Variants in KCNIP1 observed in about 807,000 individuals in gnomAD.
KCNIP1 encodes the protein potassium voltage-gated channel interacting protein 1, also known as A-type potassium channel modulatory protein KCNIP1.
Under a neutral mutation model 33.0 loss-of-function variants are expected in KCNIP1, and 18 were observed. The ratio of observed to expected loss-of-function variants is 0.55; its 90% CI spans 0.38 to 0.81. The LOEUF (loss-of-function observed/expected upper bound fraction) is 0.81. Among genes scored for constraint, KCNIP1 ranks in the 30% least tolerant of loss-of-function variants. KCNIP1 has a pLI of 0.00. For synonymous variants in KCNIP1, 93 were observed against 98.3 expected (o/e 0.95, Z 0.32); for missense variants, 238 against 271.6 (o/e 0.88, Z 0.87).
At chr5:170,531,527 A>G (rs928339653) in intron 1 of KCNIP1, among the ~76,000 whole-genome samples, 6 of 152,196 alleles carry the variant, frequency 3.9e-5, no homozygotes, top group African/African-American at 1.2e-4. Flanking sequence ...CAAGCCCACC[A>G]CTAACAATTA....
chr5:170,566,903 A>G (rs948723154), intron 1 of KCNIP1, among the ~76,000 whole-genome samples: 11 of 152,256 alleles, frequency 7.2e-5, no homozygotes, highest in African/African-American at 2.7e-4. Context: ...TATGGCATGG[A>G]GTACCACGAA....
chr5:170,729,259 A>G (rs940444026), intron 5 of KCNIP1, among the ~76,000 whole-genome samples: 6 of 152,086 alleles, frequency 3.9e-5, no homozygotes, highest in Non-Finnish European at 8.8e-5. Flanking sequence ...TTACACTGTA[A>G]ATATTTTAAA....
intron 1 of KCNIP1, among the ~76,000 whole-genome samples, chr5:170,601,265 G>T (rs1468807730): frequency 2.0e-5 from 3 of 152,224 alleles, no homozygotes; most frequent in African/African-American, 7.2e-5. Context: ...CGGTGTAGAG[G>T]AGAATATGGC....
chr5:170,404,505 C>T (rs927344075), intron 1 of KCNIP1, among the ~76,000 whole-genome samples: 1 of 152,100 alleles, frequency 6.6e-6, no homozygotes, highest in Non-Finnish European at 1.5e-5. Flanking sequence ...TGCAGTCAGT[C>T]GGTCCCAGGG....
At chr5:170,465,112 A>G (rs1756581638) in intron 1 of KCNIP1, among the ~76,000 whole-genome samples, 1 of 152,182 alleles carries the variant, frequency 6.6e-6, no homozygotes, top group Admixed American at 6.5e-5. Context: ...GACATGCTGG[A>G]CGCTGGAGAG....
intron 1 of KCNIP1, among the ~76,000 whole-genome samples, chr5:170,475,830 G>T (rs1025519504): frequency 2.0e-5 from 3 of 152,008 alleles, no homozygotes; most frequent in Non-Finnish European, 4.4e-5. Context: ...AGAAGAAACT[G>T]ATCCTATTCC....
In KCNIP1 at chr5:170,718,784, A is replaced by C; in HGVS notation, c.88A>C (p.Thr30Pro). ...KDKIEDELEM[T>P]MVCHRPEGLE... ...TAAGATTGAAGATGAGCTGGAGATG[A>C]CCATGGTTTGCCATCGGCCCGAGGG... Residue 30 changes from threonine (T) to proline (P), a missense_variant, in exon 2 of 8, where the codon ACC (threonine) becomes CCC (proline). Coordinates refer to ENST00000328939, the MANE Select transcript of KCNIP1 (RefSeq NM_014592.4). 1 of 1,613,182 alleles carries C rather than the reference A, an allele frequency of 6.2e-7. No individual in the cohort carries two copies.
chr5:170,469,012 T>G (rs562906353), intron 1 of KCNIP1, among the ~76,000 whole-genome samples: 1 of 152,222 alleles, frequency 6.6e-6, no homozygotes, highest in South Asian at 2.1e-4. Flanking sequence ...AGAAATGTTA[T>G]TTGCATAAGC....
At chr5:170,586,851 C>A (rs111654200) in intron 1 of KCNIP1, among the ~76,000 whole-genome samples, 4 of 152,358 alleles carry the variant, frequency 2.6e-5, no homozygotes, top group Non-Finnish European at 5.9e-5. Context: ...ATTTAGTCAA[C>A]AACTGTGGAT....
intron 1 of KCNIP1, among the ~76,000 whole-genome samples, chr5:170,439,211 C>T (rs1396332133): frequency 6.6e-6 from 1 of 152,204 alleles, no homozygotes; most frequent in Non-Finnish European, 1.5e-5. Context: ...GTTAGGGCTG[C>T]TGTGGAGGCC....
chr5:170,700,846 C>T (rs767153241), intron 1 of KCNIP1, among the ~76,000 whole-genome samples: 15 of 152,166 alleles, frequency 9.9e-5, no homozygotes, highest in African/African-American at 1.4e-4. Context: ...ACACCCAACA[C>T]GCATCAGGAA....
At chr5:170,394,811 G>C (rs527516091) in intron 1 of KCNIP1, among the ~76,000 whole-genome samples, 2 of 152,088 alleles carry the variant, frequency 1.3e-5, no homozygotes. Context: ...GTGTCTACCC[G>C]GGGATTAGCT....
At chr5:170,525,583 T>C (rs527532498) in intron 1 of KCNIP1, among the ~76,000 whole-genome samples, 1 of 152,312 alleles carries the variant, frequency 6.6e-6, no homozygotes, top group East Asian at 1.9e-4. Flanking sequence ...ATTGGCAGTT[T>C]TTCCTCTAGT....
chr5:170,682,981 T>C (rs891899126), intron 1 of KCNIP1, among the ~76,000 whole-genome samples: 1 of 152,108 alleles, frequency 6.6e-6, no homozygotes, highest in Admixed American at 6.5e-5. Context: ...ATTCCCCTGC[T>C]CTTCCTTTCC....
intron 1 of KCNIP1, among the ~76,000 whole-genome samples, chr5:170,546,126 C>A (rs1756399685): frequency 6.6e-6 from 1 of 152,202 alleles, no homozygotes; most frequent in Non-Finnish European, 1.5e-5. Flanking sequence ...GTCTTCATGG[C>A]TTTGGCTGGG....
chr5:170,444,321 C>T (rs1321231761), intron 1 of KCNIP1, among the ~76,000 whole-genome samples: 1 of 152,188 alleles, frequency 6.6e-6, no homozygotes, highest in Admixed American at 6.5e-5. Flanking sequence ...CTTCCTCCGT[C>T]TTCAAAGCCA....
chr5:170,592,712 A>G (rs187881312), intron 1 of KCNIP1, among the ~76,000 whole-genome samples: 243 of 152,342 alleles, frequency 1.6e-3, no homozygotes, highest in Middle Eastern at 3.4e-3. Context: ...CACTTGAGTT[A>G]GCTGCTGGAA....
Position 170,489,202 on chromosome 5 carries a change from G to A in KCNIP1, c.88+135238G>A, listed in dbSNP as rs970923412. Among the ~76,000 whole-genome samples the A allele has an allele frequency of 4.3e-4, 66 of 152,326 alleles. No homozygotes were observed. The highest frequency in any genetic ancestry group is 1.5e-3 in the African/African-American group (62 of 41,562). On this transcript the variant is annotated intron_variant, in intron 1 of 7. Transcript: ENST00000377360. The surrounding 1 kb of genome is among the most constrained non-coding windows in gnomAD (Gnocchi z 4.3). ...GGCACTGAAGGAAGAGGTAGGGGAC[G>A]ATGACTCCATCTGTCACCTCGGCAC...
At chr5:170,534,089 C>T (rs972967279) in intron 1 of KCNIP1, among the ~76,000 whole-genome samples, 3 of 152,168 alleles carry the variant, frequency 2.0e-5, no homozygotes, top group African/African-American at 4.8e-5. Flanking sequence ...GAACATTCAG[C>T]GATTCACAAA....
Sources: gnomAD v4.1 joint callset for allele counts (sites outside exome capture counted in the v4.1 genomes callset) on GRCh38, gnomAD v4.1.1 for gene constraint, Gnocchi (gnomAD v3.1) non-coding constraint, MANE v1.5 for transcripts, NCBI Gene and HGNC (gene_info 2026-07-23, HGNC 2026-07-21) for gene names.